The following LCORL variants were observed in gnomAD, a reference collection of about 807,000 sequenced individuals.
LCORL encodes the protein ligand-dependent nuclear receptor corepressor-like protein.
Under a neutral mutation model 141.8 loss-of-function variants are expected in LCORL, and 41 were observed. The observed-to-expected ratio is 0.29, with a 90% confidence interval of 0.23 to 0.38. The LOEUF is 0.38. Among genes scored for constraint, LCORL ranks in the 10% least tolerant of loss-of-function variants. LCORL has a pLI of 1.00. For synonymous variants in LCORL, 618 were observed against 694.1 expected, an observed-to-expected ratio of 0.89 and a Z score of 1.72; for missense variants, 1,759 against 2,035.0, an observed-to-expected ratio of 0.86 and a Z score of 2.61.
intron 4 of LCORL, among the ~76,000 whole-genome samples, chr4:17,914,600 T>C (rs1733098334): frequency 6.6e-6 from 1 of 152,184 alleles, no homozygotes; most frequent in East Asian, 1.9e-4. Flanking sequence ...TGCTGACTGG[T>C]TAGTCAGCCT....
At chr4:17,856,097 A>G (rs1443902261) in intron 7 of LCORL, among the ~76,000 whole-genome samples, 1 of 152,230 alleles carries the variant, frequency 6.6e-6, no homozygotes, top group Admixed American at 6.5e-5. Flanking sequence ...AAACGATTCC[A>G]GTATGGCTTC....
At chr4:17,849,249 C>T (rs1031720664) in intron 7 of LCORL, among the ~76,000 whole-genome samples, 6 of 152,302 alleles carry the variant, frequency 3.9e-5, no homozygotes, top group African/African-American at 9.6e-5. Flanking sequence ...CCCTGACCCC[C>T]GAGCAGCCTA....
chr4:17,864,497 T>C (rs1481548177), intron 7 of LCORL, among the ~76,000 whole-genome samples: 2 of 152,142 alleles, frequency 1.3e-5, no homozygotes, highest in Non-Finnish European at 2.9e-5. Flanking sequence ...CCGCCTCACC[T>C]GGCCAGCAAC....
intron 1 of LCORL, among the ~76,000 whole-genome samples, chr4:18,019,336 CAA>C (rs1553889218): frequency 6.6e-6 from 1 of 152,106 alleles, no homozygotes; most frequent in Non-Finnish European, 1.5e-5. Flanking sequence ...GACTCCATCT[CAA>C]TAAATAAATA....
At chr4:17,900,155 TG>T (rs1176949594) in intron 5 of LCORL, among the ~76,000 whole-genome samples, 1 of 152,124 alleles carries the variant, frequency 6.6e-6, no homozygotes, top group East Asian at 1.9e-4. Context: ...ATAGCATTTA[TG>T]GAACTTCTGA....
exon 8 of LCORL, chr4:17,844,562 G>A (rs1344037793): frequency 6.6e-6 from 1 of 152,372 alleles, no homozygotes; most frequent in African/African-American, 2.4e-5. Context: ...AAGGAAAAAT[G>A]GTAATGATAG....
intron 5 of LCORL, among the ~76,000 whole-genome samples, chr4:17,897,688 ATTG>A (rs1730203693): frequency 1.3e-5 from 2 of 152,124 alleles, no homozygotes; most frequent in African/African-American, 4.8e-5. Context: ...TTCCACCGAA[ATTG>A]TTCTTCTACT....
At chr4:17,924,702 C>T (rs1336373949) in intron 4 of LCORL, among the ~76,000 whole-genome samples, 1 of 152,200 alleles carries the variant, frequency 6.6e-6, no homozygotes, top group African/African-American at 2.4e-5. Context: ...AACCAAGGCA[C>T]TCACTTTATA....
At chr4:17,912,019 T>G (rs1360693986) in intron 4 of LCORL, 6 of 652,650 alleles carry the variant, frequency 9.2e-6, no homozygotes, top group Non-Finnish European at 1.4e-5. Flanking sequence ...GAACTAGAAG[T>G]TAGAGACCAA....
intron 5 of LCORL, among the ~76,000 whole-genome samples, chr4:17,908,502 G>C (rs569800755): frequency 6.6e-6 from 1 of 152,058 alleles, no homozygotes; most frequent in East Asian, 1.9e-4. Context: ...TAAGTCCTTC[G>C]CACACACTTA....
chr4:17,972,298 AAAGG>A (rs1716121880), intron 2 of LCORL, among the ~76,000 whole-genome samples: 1 of 151,834 alleles, frequency 6.6e-6, no homozygotes, highest in South Asian at 2.1e-4. Context: ...AAAACAAATA[AAAGG>A]AGTCAATATA....
intron 1 of LCORL, among the ~76,000 whole-genome samples, chr4:17,974,143 C>A (rs982616170): frequency 5.9e-5 from 9 of 152,048 alleles, no homozygotes; most frequent in African/African-American, 2.2e-4. Flanking sequence ...AGAAGATACT[C>A]TATTTTTCTG....
chr4:17,968,322 A>G (rs891170993), intron 2 of LCORL, among the ~76,000 whole-genome samples: 1 of 152,198 alleles, frequency 6.6e-6, no homozygotes, highest in African/African-American at 2.4e-5. Flanking sequence ...TCTGGCTTTA[A>G]TTGTATAATA....
intron 1 of LCORL, among the ~76,000 whole-genome samples, chr4:17,978,512 T>G (rs1426836856): frequency 2.6e-5 from 4 of 151,354 alleles, no homozygotes; most frequent in Non-Finnish European, 5.9e-5. Flanking sequence ...AGTGGAGGAA[T>G]GCTTGAGCCA....
At chr4:17,891,030 C>G (rs1349583014) in intron 5 of LCORL, among the ~76,000 whole-genome samples, 2 of 152,004 alleles carry the variant, frequency 1.3e-5, no homozygotes, top group African/African-American at 4.8e-5. Flanking sequence ...CTAGGAAATT[C>G]TTATGGTTTT....
At chr4:17,885,009 T>C (rs1192872924) in intron 6 of LCORL, among the ~76,000 whole-genome samples, 1 of 151,984 alleles carries the variant, frequency 6.6e-6, no homozygotes, top group Non-Finnish European at 1.5e-5. Context: ...TCAGTATTTG[T>C]AAAAATATTC....
intron 1 of LCORL, among the ~76,000 whole-genome samples, chr4:17,976,347 C>T (rs1716964132): frequency 1.3e-5 from 2 of 152,146 alleles, no homozygotes; most frequent in South Asian, 4.1e-4. Flanking sequence ...CTCCACTCCA[C>T]AACATTATTT....
chr4:17,882,746 A>G, intron 6 of LCORL: 2 of 983,970 alleles, frequency 2.0e-6, no homozygotes, highest in South Asian at 4.7e-5. Flanking sequence ...AGGTTTTTCA[A>G]TAGTAGGAGT....
At chr4:17,881,948 T>G in intron 6 of LCORL, 5 of 983,192 alleles carry the variant, frequency 5.1e-6, no homozygotes, top group Non-Finnish European at 6.0e-6. Flanking sequence ...CATCTGCTGT[T>G]CTGTAATCTA....
Sources: gnomAD v4.1 joint callset for allele counts (sites outside exome capture counted in the v4.1 genomes callset) on GRCh38, gnomAD v4.1.1 for gene constraint, MANE v1.5 for transcripts, NCBI Gene and HGNC (gene_info 2026-07-23, HGNC 2026-07-21) for gene names.